The following RALGPS2 variants were observed in gnomAD, a reference collection of about 807,000 sequenced individuals.
The protein encoded by RALGPS2 is Ral GEF with PH domain and SH3 binding motif 2, also known as ras-specific guanine nucleotide-releasing factor RalGPS2.
A neutral mutation model predicts 86.8 loss-of-function variants in RALGPS2; 43 were observed. The ratio of observed to expected loss-of-function variants is 0.50; its 90% CI spans 0.39 to 0.64. The LOEUF is 0.64. Among genes scored for constraint, RALGPS2 ranks in the 30% least tolerant of loss-of-function variants. RALGPS2 has a pLI of 0.00. For missense variants in RALGPS2, 536 were observed against 694.6 expected (o/e 0.77, Z 2.57); for synonymous variants, 243 against 231.3 (o/e 1.05, Z -0.46).
chr1:178,903,004 C>G (rs1660241485), intron 18 of RALGPS2, among the ~76,000 whole-genome samples: 3 of 152,044 alleles, frequency 2.0e-5, no homozygotes, highest in Non-Finnish European at 4.4e-5. Context: ...ATCATATGTT[C>G]TTCTTACTCT....
intron 13 of RALGPS2, among the ~76,000 whole-genome samples, chr1:178,888,357 T>A (rs2102383349): frequency 6.6e-6 from 1 of 152,296 alleles, no homozygotes; most frequent in African/African-American, 2.4e-5. Flanking sequence ...CTTTAACTTT[T>A]ACATGCAATA....
chr1:178,811,227 C>T, intron 5 of RALGPS2, 88 bp from the exon 6 acceptor site: 1 of 983,864 alleles, frequency 1.0e-6, no homozygotes. Flanking sequence ...TAGAGCTTAC[C>T]TAATTCTGCC....
At chr1:178,774,211 G>T (rs1350274738) in intron 1 of RALGPS2, among the ~76,000 whole-genome samples, 1 of 151,916 alleles carries the variant, frequency 6.6e-6, no homozygotes, top group Non-Finnish European at 1.5e-5. Flanking sequence ...GGAGGCGGAG[G>T]TTGCAGTGAG....
intron 1 of RALGPS2, among the ~76,000 whole-genome samples, chr1:178,752,133 ATTT>A (rs201582341): frequency 7.3e-6 from 1 of 136,200 alleles, no homozygotes; most frequent in Non-Finnish European, 1.6e-5. Flanking sequence ...TTGTGTAGTA[ATTT>A]TTTTTTTTTT....
intron 4 of RALGPS2, among the ~76,000 whole-genome samples, chr1:178,800,484 A>G (rs1654417361): frequency 6.6e-6 from 1 of 152,024 alleles, no homozygotes. Context: ...GACCTTAATG[A>G]TGATCCACTT....
At chr1:178,805,529 A>G (rs942900201) in intron 4 of RALGPS2, among the ~76,000 whole-genome samples, 2 of 151,942 alleles carry the variant, frequency 1.3e-5, no homozygotes, top group African/African-American at 4.8e-5. Context: ...CATTTATTAA[A>G]TAGGGAATCC....
At chr1:178,888,827 A>G (rs1659600370) in intron 13 of RALGPS2, among the ~76,000 whole-genome samples, 1 of 152,102 alleles carries the variant, frequency 6.6e-6, no homozygotes, top group Admixed American at 6.6e-5. Context: ...TCTGATGGAT[A>G]CCTTACAGCA....
chr1:178,827,957 A>G (rs950321726), intron 7 of RALGPS2, among the ~76,000 whole-genome samples: 10 of 152,196 alleles, frequency 6.6e-5, no homozygotes, highest in African/African-American at 9.7e-5. Flanking sequence ...ATCTGCAAAA[A>G]TGAACTCAAA....
chr1:178,788,834 TTTC>T (rs1284337976), intron 4 of RALGPS2, among the ~76,000 whole-genome samples: 1 of 127,724 alleles, frequency 7.8e-6, no homozygotes, highest in African/African-American at 3.2e-5. Flanking sequence ...TTTTGTTTTC[TTTC>T]TTTCTTTCTT....
intron 8 of RALGPS2, among the ~76,000 whole-genome samples, chr1:178,842,911 A>G (rs1192321918): frequency 1.1e-4 from 16 of 149,368 alleles, no homozygotes; most frequent in Non-Finnish European, 1.7e-4. Flanking sequence ...AATGCTCACC[A>G]TCACTGGCCA....
In RALGPS2 at chr1:178,793,133, G is replaced by A. The variant is rs116866741; in HGVS notation, c.213+7526G>A. ...GAATTACAGAAGATAATTTTTTAGC[G>A]GCCAAACCATAAGAGCAAGGAGCCA... On this transcript the variant is annotated intron_variant, in intron 4 of 19. Transcript: ENST00000367635. 2.1e-3 allele frequency among the ~76,000 whole-genome samples: 321 copies of A among 152,126 alleles called. 4 individuals carry two copies. The highest frequency in any genetic ancestry group is 0.013 in the East Asian group (68 of 5,176).
chr1:178,906,162 C>A (rs1660379039), intron 18 of RALGPS2, among the ~76,000 whole-genome samples: 1 of 152,140 alleles, frequency 6.6e-6, no homozygotes, highest in Non-Finnish European at 1.5e-5. Context: ...CACTTGAGGT[C>A]AGGAGTTCGA....
Position 178,889,702 on chromosome 1 carries a change from A to C in RALGPS2, c.1247+6A>C. The C allele has an allele frequency of 3.1e-6, 5 of 1,598,832 alleles. No homozygotes were observed. The highest frequency in any genetic ancestry group is 4.3e-6 in the Non-Finnish European group (5 of 1,170,014). On this transcript the variant is annotated splice_donor_region_variant and intron_variant, in intron 14 of 19. Coordinates refer to ENST00000367635, the MANE Select transcript of RALGPS2 (RefSeq NM_152663.5). ...TCATGGCCTGCTTTTGAAAGGTAAG[A>C]TAAATTGTCCATTTGAACTACTTGG...
chr1:178,767,358 CTTTTTT>C (rs1159630163), intron 1 of RALGPS2, among the ~76,000 whole-genome samples: 1 of 70,432 alleles, frequency 1.4e-5, no homozygotes, highest in Non-Finnish European at 2.5e-5. Context: ...TGTCCTTTGG[CTTTTTT>C]TTTTTTTTTT....
At chr1:178,811,978 C>A (rs1655006513) in intron 6 of RALGPS2, among the ~76,000 whole-genome samples, 1 of 152,112 alleles carries the variant, frequency 6.6e-6, no homozygotes. Context: ...AAACTTGTAA[C>A]AACTCTGAAT....
At chr1:178,749,402 C>A (rs2102040291) in intron 1 of RALGPS2, among the ~76,000 whole-genome samples, 1 of 152,284 alleles carries the variant, frequency 6.6e-6, no homozygotes, top group South Asian at 2.1e-4. Context: ...AGGAGAATCA[C>A]TTGAACCCAG....
chr1:178,865,298 T>C lies in RALGPS2; in HGVS notation c.608-12200T>C, dbSNP rs770143749. 6.1e-5 allele frequency: 98 copies of C among 1,614,068 alleles called. No individual in the cohort carries two copies. The Middle Eastern group carries it at 2.5e-3, about 41-fold the overall frequency. ...CATCTTCAACATTTCTGTGGTGACA[T>C]TGAGGATTTTGTTTTCCAGTTGGGA... is the stretch of plus-strand genomic sequence containing the variant. On this transcript the variant is annotated intron_variant, in intron 8 of 19. Transcript: ENST00000367635.
chr1:178,858,043 C>T (rs1019974205), intron 8 of RALGPS2, among the ~76,000 whole-genome samples: 21 of 152,094 alleles, frequency 1.4e-4, no homozygotes, highest in Non-Finnish European at 2.6e-4. Context: ...TTTGTGTTTA[C>T]AGTTGGATAT....
At chr1:178,811,611 C>CCT (rs1413464285) in intron 6 of RALGPS2, among the ~76,000 whole-genome samples, 1 of 152,058 alleles carries the variant, frequency 6.6e-6, no homozygotes, top group African/African-American at 2.4e-5. Context: ...TTATATTCTT[C>CCT]CTCCCACTCT....
Sources: gnomAD v4.1 joint callset for allele counts (sites outside exome capture counted in the v4.1 genomes callset) on GRCh38, gnomAD v4.1.1 for gene constraint, MANE v1.5 for transcripts, NCBI Gene and HGNC (gene_info 2026-07-23, HGNC 2026-07-21) for gene names.